Variants in ROBO2 observed in about 807,000 individuals in gnomAD.
The protein encoded by ROBO2 is roundabout guidance receptor 2.
Under a neutral mutation model 160.8 loss-of-function variants are expected in ROBO2, and 53 were observed. The observed-to-expected ratio is 0.33, with a 90% CI of 0.26 to 0.41. The LOEUF is 0.41. Among genes scored for constraint, ROBO2 ranks in the 10% least tolerant of loss-of-function variants. The pLI, the probability that ROBO2 is intolerant of heterozygous loss-of-function variation, is 1.00. For missense variants in ROBO2, 1,577 were observed against 1,722.4 expected (o/e 0.92, Z 1.49); for synonymous variants, 664 against 611.7 (o/e 1.09, Z -1.26).
chr3:76,382,961 AG>A (rs2076709869), intron 2 of ROBO2, among the ~76,000 whole-genome samples: 1 of 152,200 alleles, frequency 6.6e-6, no homozygotes, highest in South Asian at 2.1e-4. Flanking sequence ...GAAACAGACG[AG>A]AAAAAAGATG....
At chr3:76,844,585 C>T (rs376229237) in intron 2 of ROBO2, among the ~76,000 whole-genome samples, 2 of 152,032 alleles carry the variant, frequency 1.3e-5, no homozygotes, top group Admixed American at 6.6e-5. Flanking sequence ...CTCACTTATA[C>T]ACTGGCCCAT....
chr3:77,447,142 T>G (rs1354525995), intron 2 of ROBO2, among the ~76,000 whole-genome samples: 1 of 152,116 alleles, frequency 6.6e-6, no homozygotes, highest in East Asian at 1.9e-4. Context: ...TCAAGTATAT[T>G]GAGATTTTAA....
intron 9 of ROBO2, among the ~76,000 whole-genome samples, chr3:77,559,900 G>C (rs2093265097): frequency 6.6e-6 from 1 of 151,972 alleles, no homozygotes. Context: ...AATTAATACA[G>C]ATATTTTGAG....
At chr3:76,081,573 C>T (rs2068831877) in intron 2 of ROBO2, among the ~76,000 whole-genome samples, 1 of 152,080 alleles carries the variant, frequency 6.6e-6, no homozygotes, top group Non-Finnish European at 1.5e-5. Flanking sequence ...GTCACAGAAG[C>T]AGAAATGAAT....
chr3:76,463,785 G>C (rs1294526364), intron 2 of ROBO2, among the ~76,000 whole-genome samples: 2 of 152,084 alleles, frequency 1.3e-5, no homozygotes, highest in African/African-American at 4.8e-5. Context: ...AGATCCACTG[G>C]CATGAAAAAC....
chr3:76,456,685 G>C (rs1368622502), intron 2 of ROBO2, among the ~76,000 whole-genome samples: 1 of 152,050 alleles, frequency 6.6e-6, no homozygotes, highest in Admixed American at 6.6e-5. Flanking sequence ...ACATAATCTT[G>C]ACCAATTTGA....
intron 2 of ROBO2, among the ~76,000 whole-genome samples, chr3:77,143,317 C>T (rs1051551899): frequency 1.3e-5 from 2 of 151,474 alleles, no homozygotes; most frequent in African/African-American, 4.9e-5. Flanking sequence ...GCCTCAGCCT[C>T]CCGAGTAGCT....
At chr3:76,645,843 C>T (rs1271720430) in intron 2 of ROBO2, among the ~76,000 whole-genome samples, 1 of 152,158 alleles carries the variant, frequency 6.6e-6, no homozygotes, top group Non-Finnish European at 1.5e-5. Flanking sequence ...ACAATTACTA[C>T]AGTATGTATT....
At chr3:76,052,213 A>T (rs2067679680) in intron 2 of ROBO2, among the ~76,000 whole-genome samples, 1 of 152,088 alleles carries the variant, frequency 6.6e-6, no homozygotes. Flanking sequence ...GATGTCTTCC[A>T]GGAAGAGCTG....
rs545392588 is a variant in ROBO2 at position 77,649,623 on chromosome 3, T to C, written c.*3568T>C. On this transcript the variant is annotated 3_prime_UTR_variant, in exon 26 of 26. Coordinates refer to ENST00000461745, the Ensembl canonical transcript of ROBO2. ...TTACTTTTGTTTTGCTTCTCTATAA[T>C]GTGTACTTCAAATGAAACACCATAC... is the stretch of plus-strand genomic sequence containing the variant. The C allele has an allele frequency of 9.3e-4, 141 of 152,326 alleles. No individual in the cohort carries two copies. The highest frequency in any genetic ancestry group is 3.3e-3 in the African/African-American group (136 of 41,572). 9.4% of individuals were successfully genotyped at this position (152,326 alleles called of 1,614,324 possible).
exon 14 of ROBO2, chr3:77,574,531 C>T: frequency 3.7e-6 from 6 of 1,613,336 alleles, no homozygotes; most frequent in East Asian, 2.2e-5. Context: ...TCCAAGGCTA[C>T]CGAGTGATGT....
chr3:77,372,194 G>T (rs1228526744), intron 2 of ROBO2, among the ~76,000 whole-genome samples: 3 of 151,966 alleles, frequency 2.0e-5, no homozygotes, highest in African/African-American at 7.2e-5. Flanking sequence ...AAAGGCAGGG[G>T]AAAGGAGGGA....
chr3:76,429,207 C>G (rs1434595655), intron 2 of ROBO2, among the ~76,000 whole-genome samples: 1 of 151,956 alleles, frequency 6.6e-6, no homozygotes, highest in Non-Finnish European at 1.5e-5. Flanking sequence ...CTCACTCACA[C>G]TCAGGGTCTA....
chr3:76,365,064 A>T (rs188420949), intron 2 of ROBO2, among the ~76,000 whole-genome samples: 66 of 148,718 alleles, frequency 4.4e-4, no homozygotes, highest in Non-Finnish European at 4.5e-5. Context: ...GTGATTTTCT[A>T]ATAAGAAGCC....
intron 2 of ROBO2, among the ~76,000 whole-genome samples, chr3:77,338,604 T>A (rs1039429248): frequency 1.3e-5 from 2 of 152,138 alleles, no homozygotes; most frequent in African/African-American, 2.4e-5. Flanking sequence ...ATGGCAAACA[T>A]AGGTCTTTAA....
At chr3:77,340,914 G>A (rs1231991738) in intron 2 of ROBO2, among the ~76,000 whole-genome samples, 3 of 152,106 alleles carry the variant, frequency 2.0e-5, no homozygotes, top group Admixed American at 6.6e-5. Flanking sequence ...CTGTAGTATC[G>A]TCACTTGTAG....
intron 2 of ROBO2, among the ~76,000 whole-genome samples, chr3:76,038,445 A>G (rs545210553): frequency 2.0e-5 from 3 of 152,116 alleles, no homozygotes; most frequent in African/African-American, 7.2e-5. Context: ...ACATTGTATG[A>G]TGGGTGCTGT....
At position 76,929,290 on chromosome 3, in the gene ROBO2, C is replaced by T. The variant is rs141600412; in HGVS notation, c.110-168724C>T. ...GAAAGAAAGAAAAGAAAGAAAATAC[C>T]CAAAACAGAGCTGCTGAGTTCTGCC... On this transcript the variant is annotated intron_variant, in intron 2 of 26. Transcript: ENST00000487694. 3.3e-3 allele frequency among the ~76,000 whole-genome samples: 497 copies of T among 151,986 alleles called. 4 individuals are homozygous for T. The highest frequency in any genetic ancestry group is 0.012 in the African/African-American group (479 of 41,484).
rs145626481 is a variant in ROBO2, at chr3:76,848,987, TAAAG to T, written c.110-249023_110-249020del. On this transcript the variant is annotated intron_variant, in intron 2 of 26. Coordinates refer to the ROBO2 transcript ENST00000487694. ...TGAAAATAATTCAATACAAATAAAA[TAAAG>T]AAAAGTTATAAAAAGTTTTTTAGTT... Among the ~76,000 whole-genome samples, 647 of 152,230 alleles carry T rather than the reference TAAAG, an allele frequency of 4.3e-3. 3 individuals are homozygous for T. The highest frequency in any genetic ancestry group is 7.8e-3 in the Non-Finnish European group (529 of 67,992).
Sources: allele counts gnomAD v4.1 joint callset (sites outside exome capture counted in the v4.1 genomes callset), GRCh38; gene constraint gnomAD v4.1.1; transcripts MANE v1.5; gene names NCBI Gene and HGNC (gene_info 2026-07-23, HGNC 2026-07-21).